Variants in PIK3CA observed in about 807,000 individuals in gnomAD.
The protein encoded by PIK3CA is phosphatidylinositol 4,5-bisphosphate 3-kinase catalytic subunit alpha isoform.
In PIK3CA, 27 loss-of-function variants were observed where a neutral mutation model predicts 138.2. The observed-to-expected ratio is 0.20, with a 90% CI of 0.14 to 0.27. PIK3CA has a LOEUF of 0.27. Among genes scored for constraint, PIK3CA ranks in the 10% least tolerant of loss-of-function variants. The probability of loss-of-function intolerance (pLI) is 1.00; values close to 1 mark genes in which losing one functional copy is unlikely to be tolerated. For synonymous variants in PIK3CA, 358 were observed against 413.2 expected (o/e 0.87, Z 1.62); for missense variants, 544 against 1,277.4 (o/e 0.43, Z 8.75).
chr3:179,170,203 G>A lies in PIK3CA; in HGVS notation c.-77+21600G>A, dbSNP rs1723525866. Among the ~76,000 whole-genome samples the A allele has an allele frequency of 2.0e-5, 3 of 152,150 alleles. No homozygotes were observed. In the South Asian group the frequency reaches 6.2e-4, roughly 32 times the overall value. ...GGCTTAATAATGAAAGACTCGCATT[G>A]TCATTCATATTACGAATAATTCAAG... On this transcript the variant is annotated intron_variant, in intron 1 of 20. Transcript: ENST00000263967.
chr3:179,163,427 A>G (rs969071379), intron 1 of PIK3CA, among the ~76,000 whole-genome samples: 4 of 152,186 alleles, frequency 2.6e-5, no homozygotes, highest in Non-Finnish European at 4.4e-5. Flanking sequence ...AGACTGAGGC[A>G]GGAAGACTGC....
In PIK3CA at chr3:179,234,716, A is replaced by G. The variant is rs1725295109; in HGVS notation, c.*352A>G. 4.1e-6 allele frequency: 1 copy of G among 244,918 alleles called. No individual in the cohort carries two copies. Among genetic ancestry groups the G allele is most frequent in the Non-Finnish European group, 7.9e-6 (1 of 126,578 alleles). The allele number at this position is 244,918 out of a possible 1,614,324, so 15.2% of individuals were successfully genotyped here. ...AGAAATGATGGAGAAGGAAAAAGTG[A>G]TGGTTTTTTTTGTCTTGCAAATGTT... On this transcript the variant is annotated 3_prime_UTR_variant, in exon 21 of 21. Coordinates refer to ENST00000263967, the MANE Select transcript of PIK3CA (RefSeq NM_006218.4). This position sits in a 1 kb window ranked among gnomAD's most constrained non-coding sequence, Gnocchi z 5.1.
rs188307778 is a variant in PIK3CA at position 179,229,133 on chromosome 3, A to G, written c.2496-139A>G. ...GAGTATGTTTATCACACCATAAAAA[A>G]GAAAATTAAAATTGGGGAAAGGCAG... On this transcript the variant is annotated intron_variant, in intron 17 of 20. Coordinates refer to ENST00000263967, the MANE Select transcript of PIK3CA (RefSeq NM_006218.4). 3.3e-3 allele frequency: 2,010 copies of G among 600,414 alleles called. 6 individuals are homozygous for G. The highest frequency in any genetic ancestry group is 4.5e-3 in the Non-Finnish European group (1,581 of 351,478). The allele number at this position is 600,414 out of a possible 1,614,324, so 37.2% of individuals were successfully genotyped here.
intron 1 of PIK3CA, among the ~76,000 whole-genome samples, chr3:179,167,947 GTTC>G (rs1326931091): frequency 3.9e-5 from 6 of 152,136 alleles, no homozygotes; most frequent in Non-Finnish European, 8.8e-5. Context: ...GGACTCCTCA[GTTC>G]TTCATCTGTT....
At chr3:179,186,858 A>G (rs1452722536) in intron 1 of PIK3CA, among the ~76,000 whole-genome samples, 1 of 152,070 alleles carries the variant, frequency 6.6e-6, no homozygotes, top group Non-Finnish European at 1.5e-5. Flanking sequence ...TGGTCTCTTC[A>G]TTGATCTCAT....
chr3:179,224,938 A>G (rs2108418568), intron 16 of PIK3CA, 117 bp downstream of exon 16: 3 of 590,388 alleles, frequency 5.1e-6, no homozygotes, highest in Non-Finnish European at 5.8e-6. Context: ...CACATGTGAT[A>G]AAATATGTAA....
rs753459459 is a variant in PIK3CA, at chr3:179,235,693, T to C, written c.*1329T>C. On this transcript the variant is annotated 3_prime_UTR_variant, in exon 21 of 21. Transcript: ENST00000263967. ...AATAATACTTTAAAATATGGGGGAA[T>C]AGAAACCATGAACTTTTTACCTTTT... is the stretch of plus-strand genomic sequence containing the variant. 5 of 206,010 alleles carry C rather than the reference T, an allele frequency of 2.4e-5. No individual in the cohort carries two copies. Among genetic ancestry groups the C allele is most frequent in the Non-Finnish European group, 5.0e-5 (5 of 100,766 alleles). 12.8% of individuals were successfully genotyped at this position (206,010 alleles called of 1,614,324 possible).
chr3:179,152,403 G>A (rs1723035724), intron 1 of PIK3CA, among the ~76,000 whole-genome samples: 1 of 152,178 alleles, frequency 6.6e-6, no homozygotes, highest in Admixed American at 6.5e-5. Context: ...TGTACGAGGT[G>A]CTCTACATGG....
intron 1 of PIK3CA, among the ~76,000 whole-genome samples, chr3:179,182,697 C>T (rs1233919882): frequency 6.6e-6 from 1 of 152,126 alleles, no homozygotes. Flanking sequence ...ATTCTACTCA[C>T]TGATCATGTA....
At position 179,224,065 on chromosome 3, in the gene PIK3CA, C is replaced by T; in HGVS notation, c.2188-16C>T. 5 of 1,382,750 alleles carry T rather than the reference C, an allele frequency of 3.6e-6. No homozygotes were observed. The highest frequency in any genetic ancestry group is 1.2e-5 in the South Asian group (1 of 82,468). The allele number at this position is 1,382,750 out of a possible 1,614,324, so 85.7% of individuals were successfully genotyped here. A position where few individuals can be genotyped will look rare whatever the true frequency, so the allele number is the denominator to read the frequency against. On this transcript the variant is annotated splice_polypyrimidine_tract_variant and intron_variant, in intron 14 of 20. Transcript: ENST00000263967. ...AAGTCAGTTTCTTACTGTGACTATC[C>T]TTTTTTTTTAATCAGGTACAGATGA...
intron 1 of PIK3CA, among the ~76,000 whole-genome samples, chr3:179,192,041 A>T (rs1724149913): frequency 6.6e-6 from 1 of 152,240 alleles, no homozygotes; most frequent in South Asian, 2.1e-4. Flanking sequence ...TAAGCCAGAA[A>T]ACATCTTAGG....
chr3:179,201,258 T>C, intron 3 of PIK3CA, 32 bp from the exon 4 acceptor site: 1 of 1,566,390 alleles, frequency 6.4e-7, no homozygotes. Flanking sequence ...GAAAGAGAGA[T>C]GGTGATTGCA....
intron 1 of PIK3CA, 73 bp from the exon 2 acceptor site, chr3:179,198,676 AT>A: frequency 2.1e-6 from 1 of 466,622 alleles, no homozygotes; most frequent in East Asian, 3.3e-5. Flanking sequence ...GAGTTTTTAC[AT>A]TTTAGCAGTG....
chr3:179,156,048 A>G (rs1349203010), intron 1 of PIK3CA, among the ~76,000 whole-genome samples: 1 of 152,194 alleles, frequency 6.6e-6, no homozygotes, highest in Non-Finnish European at 1.5e-5. Context: ...ATTTCAGGGA[A>G]GAGTAAGTAA....
intron 3 of PIK3CA, 125 bp downstream of exon 3, chr3:179,200,024 C>G (rs1386713812): frequency 1.8e-6 from 1 of 567,078 alleles, no homozygotes; most frequent in Non-Finnish European, 3.1e-6. Flanking sequence ...GCAGGGACTG[C>G]TTATACTGAC....
chr3:179,192,136 G>A (rs1345127618), intron 1 of PIK3CA, among the ~76,000 whole-genome samples: 1 of 152,140 alleles, frequency 6.6e-6, no homozygotes, highest in Non-Finnish European at 1.5e-5. Flanking sequence ...GAATATTGTA[G>A]TAGATTTTCA....
intron 1 of PIK3CA, among the ~76,000 whole-genome samples, chr3:179,150,203 T>G (rs547756041): frequency 0.035 from 4,234 of 121,378 alleles, 76 homozygotes; most frequent in Non-Finnish European, 0.051. Context: ...GTGTGTGTGT[T>G]GGTATTTTGC....
intron 1 of PIK3CA, among the ~76,000 whole-genome samples, chr3:179,154,602 C>T (rs1346622851): frequency 6.6e-6 from 1 of 152,100 alleles, no homozygotes; most frequent in African/African-American, 2.4e-5. Flanking sequence ...TGGTGGGGGA[C>T]AGATTGTAAC....
chr3:179,221,714 T>G (rs2108414615), intron 14 of PIK3CA, among the ~76,000 whole-genome samples: 1 of 141,194 alleles, frequency 7.1e-6, no homozygotes, highest in Non-Finnish European at 1.5e-5. Flanking sequence ...TTTTTTTTTT[T>G]TTTTTTTTTT....
Sources: allele counts gnomAD v4.1 joint callset (sites outside exome capture counted in the v4.1 genomes callset), GRCh38; gene constraint gnomAD v4.1.1; non-coding constraint Gnocchi (gnomAD v3.1); transcripts MANE v1.5; gene names NCBI Gene and HGNC (gene_info 2026-07-23, HGNC 2026-07-21).